Variants in PLD5 observed in about 807,000 individuals in gnomAD.
PLD5 encodes inactive phospholipase D5.
Under a neutral mutation model 61.1 loss-of-function variants are expected in PLD5, and 36 were observed. That is an observed-to-expected ratio of 0.59 (90% CI 0.45 to 0.78). The LOEUF (loss-of-function observed/expected upper bound fraction) is 0.78, where lower values mean the gene tolerates loss of function less well. PLD5 is among the 30% of genes least tolerant of loss of function. The probability of loss-of-function intolerance (pLI) is 0.00; values close to 1 mark genes in which losing one functional copy is unlikely to be tolerated. For synonymous variants in PLD5, 243 were observed against 242.8 expected, an observed-to-expected ratio of 1.00 and a Z score of -0.01; for missense variants, 515 against 644.4, an observed-to-expected ratio of 0.80 and a Z score of 2.17.
intron 1 of PLD5, among the ~76,000 whole-genome samples, chr1:242,386,604 T>C (rs1243946149): frequency 6.6e-6 from 1 of 151,992 alleles, no homozygotes; most frequent in Non-Finnish European, 1.5e-5. Context: ...TACAAAGCAC[T>C]CAACAACACA....
At chr1:242,266,442 A>G (rs1673678217) in intron 3 of PLD5, among the ~76,000 whole-genome samples, 1 of 152,338 alleles carries the variant, frequency 6.6e-6, no homozygotes, top group South Asian at 2.1e-4. Flanking sequence ...TTTTTAGAGT[A>G]AGTTTTAATC....
chr1:242,468,701 GCACA>G (rs924231282), intron 1 of PLD5, among the ~76,000 whole-genome samples: 2 of 149,184 alleles, frequency 1.3e-5, no homozygotes, highest in African/African-American at 2.5e-5. Flanking sequence ...ACACACACAC[GCACA>G]CACACACACA....
At chr1:242,116,730 C>G (rs1661973861) in intron 6 of PLD5, among the ~76,000 whole-genome samples, 1 of 152,174 alleles carries the variant, frequency 6.6e-6, no homozygotes, top group South Asian at 2.1e-4. Context: ...CACATTGCTG[C>G]AAAAGACATG....
At chr1:242,236,012 A>G (rs1482228567) in intron 4 of PLD5, 1 of 152,208 alleles carries the variant, frequency 6.6e-6, no homozygotes, top group Non-Finnish European at 1.5e-5. Context: ...TGACTGTGAT[A>G]TTAGGTGCCA....
Position 242,089,941 on chromosome 1 carries a change from C to A in PLD5, c.1524G>T (p.Pro508=). 6.2e-7 allele frequency: 1 copy of A among 1,614,092 alleles called. No homozygotes were observed. Among genetic ancestry groups the A allele is most frequent in the Non-Finnish European group, 8.5e-7 (1 of 1,180,028 alleles). Residue 508 remains proline (P), a synonymous_variant, in exon 10 of 10, where the codon CCG becomes CCT. Transcript: ENST00000536534. ...YAKTLQPTKQ[P]NCSSLFKLKP... is the part of the protein sequence containing the mutation. ...TGAGTTTGAACAGGCTTGAGCAGTTCGGCTGTTTGGTTGGCTGTAAGGTTT... is the reference window on the plus strand; with the variant it reads ...TGAGTTTGAACAGGCTTGAGCAGTTAGGCTGTTTGGTTGGCTGTAAGGTTT...
At chr1:242,130,322 G>A (rs1251232412) in intron 5 of PLD5, among the ~76,000 whole-genome samples, 3 of 152,180 alleles carry the variant, frequency 2.0e-5, no homozygotes, top group Admixed American at 1.3e-4. Flanking sequence ...AAAGTGCTGG[G>A]ATTACATGCA....
At chr1:242,269,015 G>A (rs1271073301) in intron 3 of PLD5, among the ~76,000 whole-genome samples, 5 of 151,946 alleles carry the variant, frequency 3.3e-5, no homozygotes, top group African/African-American at 4.8e-5. Context: ...ACTAATTTTT[G>A]TATTTTTAGT....
intron 1 of PLD5, among the ~76,000 whole-genome samples, chr1:242,510,003 A>G (rs979693275): frequency 7.2e-5 from 11 of 152,196 alleles, no homozygotes; most frequent in African/African-American, 2.4e-4. Context: ...GAAGCATTTC[A>G]ATGCCTATCC....
chr1:242,122,878 C>G (rs1267936210), intron 6 of PLD5, among the ~76,000 whole-genome samples: 3 of 152,134 alleles, frequency 2.0e-5, no homozygotes, highest in Non-Finnish European at 4.4e-5. Flanking sequence ...ACTTTATCTT[C>G]AACAAAATGC....
chr1:242,345,601 A>C, intron 2 of PLD5: 1 of 1,398,210 alleles, frequency 7.2e-7, no homozygotes, highest in Non-Finnish European at 1.0e-6. Flanking sequence ...ATCCACCTGG[A>C]GTACCCTCTG....
At chr1:242,421,018 A>AAAAATACAAAAATAC (rs1665108831) in intron 1 of PLD5, among the ~76,000 whole-genome samples, 1 of 151,952 alleles carries the variant, frequency 6.6e-6, no homozygotes, top group African/African-American at 2.4e-5. Flanking sequence ...CGTCTCTACT[A>AAAAATACAAAAATAC]AAAATACAAA....
At chr1:242,191,112 A>C (rs1308146052) in intron 5 of PLD5, among the ~76,000 whole-genome samples, 2 of 151,634 alleles carry the variant, frequency 1.3e-5, no homozygotes, top group Non-Finnish European at 2.9e-5. Context: ...CCCCAAGCCC[A>C]AATAAACTAT....
chr1:242,442,583 GC>G (rs1231297928), intron 1 of PLD5, among the ~76,000 whole-genome samples: 1 of 152,212 alleles, frequency 6.6e-6, no homozygotes, highest in Non-Finnish European at 1.5e-5. Flanking sequence ...TATTCTTTGA[GC>G]GGGGTGCTAA....
chr1:242,487,233 A>G (rs947363486), intron 1 of PLD5, among the ~76,000 whole-genome samples: 2 of 151,936 alleles, frequency 1.3e-5, no homozygotes, highest in Non-Finnish European at 2.9e-5. Flanking sequence ...GTGACCAAAG[A>G]AAAAAAAGAA....
At position 242,180,225 on chromosome 1, in the gene PLD5, A is replaced by G. The variant is rs138237615; in HGVS notation, c.735+39763T>C. On this transcript the variant is annotated intron_variant, in intron 5 of 9. Coordinates refer to ENST00000536534, the MANE Select transcript of PLD5 (RefSeq NM_001372062.1). ...ATATTCCTATATTTCAGCCTACCTT[A>G]CAAAGAGCTAGAAGAGGGCTAGAGA... Among the ~76,000 whole-genome samples, 22 of 152,258 alleles carry G rather than the reference A, an allele frequency of 1.4e-4. No individual in the cohort carries two copies. In the East Asian group the frequency reaches 4.1e-3, roughly 28 times the overall value.
chr1:242,257,877 G>A (rs764554482), intron 4 of PLD5, among the ~76,000 whole-genome samples: 12 of 152,184 alleles, frequency 7.9e-5, no homozygotes, highest in African/African-American at 7.2e-5. Flanking sequence ...GATAATGTCA[G>A]TGGGAACAAA....
At chr1:242,179,459 T>A (rs1372177908) in intron 5 of PLD5, among the ~76,000 whole-genome samples, 2 of 152,186 alleles carry the variant, frequency 1.3e-5, no homozygotes, top group Admixed American at 1.3e-4. Flanking sequence ...CCACCCCTAT[T>A]CTCTCAGTCC....
chr1:242,358,549 A>G (rs1010495075), intron 1 of PLD5, among the ~76,000 whole-genome samples: 1 of 151,648 alleles, frequency 6.6e-6, no homozygotes, highest in Non-Finnish European at 1.5e-5. Context: ...TCTGCTATCC[A>G]GCAAGACCAC....
At position 242,204,243 on chromosome 1, in the gene PLD5, C is replaced by CAAA. The variant is rs36058585; in HGVS notation, c.735+15742_735+15744dup. Among the ~76,000 whole-genome samples the CAAA allele has an allele frequency of 9.7e-3, 1,242 of 128,420 alleles. 14 individuals are homozygous for CAAA. The highest frequency in any genetic ancestry group is 0.032 in the African/African-American group (1,190 of 36,640). 84.2% of individuals were successfully genotyped at this position (128,420 alleles called of 152,430 possible). A position where few individuals can be genotyped will look rare whatever the true frequency, so the allele number is the denominator to read the frequency against. ...GGGCGACAGAGCGAGACTCTTGTCT[C>CAAA]AAAAAAAAAAAAAAATTTTAGGCAC... On this transcript the variant is annotated intron_variant, in intron 5 of 9. Transcript: ENST00000536534.
Sources: gnomAD v4.1 joint callset for allele counts (sites outside exome capture counted in the v4.1 genomes callset) on GRCh38, gnomAD v4.1.1 for gene constraint, MANE v1.5 for transcripts, NCBI Gene and HGNC (gene_info 2026-07-23, HGNC 2026-07-21) for gene names.